Variants in C1orf21 observed in about 807,000 individuals in gnomAD.
C1orf21 encodes the protein uncharacterized protein C1orf21.
In C1orf21, 3 loss-of-function variants were observed where a neutral mutation model predicts 18.7. The ratio of observed to expected loss-of-function variants is 0.16; its 90% CI spans 0.07 to 0.42. C1orf21 has a LOEUF of 0.42. Among genes scored for constraint, C1orf21 ranks in the 10% least tolerant of loss-of-function variants. C1orf21 has a pLI of 0.99. For synonymous variants in C1orf21, 41 were observed against 46.4 expected (o/e 0.88, Z 0.47); for missense variants, 104 against 143.6 (o/e 0.72, Z 1.41).
In C1orf21 at chr1:184,471,180, A is replaced by G. The variant is rs1657491019; in HGVS notation, c.-124-6206A>G. On this transcript the variant is annotated intron_variant, in intron 1 of 5. Transcript: ENST00000235307. ...AACAATTATTGCACCAACTTTTTCT[A>G]ACCAGCTCCCTATAAGAAATACTGT... 2.0e-5 allele frequency among the ~76,000 whole-genome samples: 3 copies of G among 152,216 alleles called. No homozygotes were observed. The South Asian group carries it at 6.2e-4, about 31-fold the overall frequency.
At chr1:184,618,066 C>T (rs553219941) in intron 5 of C1orf21, among the ~76,000 whole-genome samples, 8 of 152,074 alleles carry the variant, frequency 5.3e-5, no homozygotes, top group Admixed American at 3.3e-4. Flanking sequence ...CCCGCCACCA[C>T]GCCCAGCTAG....
chr1:184,606,807 C>T (rs1390484965), intron 5 of C1orf21, among the ~76,000 whole-genome samples: 1 of 152,068 alleles, frequency 6.6e-6, no homozygotes, highest in East Asian at 1.9e-4. Flanking sequence ...TAGGGAGCCT[C>T]AAATCTGGAA....
At chr1:184,588,200 A>G (rs576719548) in intron 3 of C1orf21, among the ~76,000 whole-genome samples, 1 of 152,344 alleles carries the variant, frequency 6.6e-6, no homozygotes, top group Non-Finnish European at 1.5e-5. Context: ...TTCTTAAAAA[A>G]GAGTAAGGGA....
chr1:184,480,336 G>C (rs954064914), intron 2 of C1orf21, among the ~76,000 whole-genome samples: 4 of 152,220 alleles, frequency 2.6e-5, no homozygotes, highest in African/African-American at 7.2e-5. Flanking sequence ...GACAGAATTG[G>C]CTAGAAAACT....
chr1:184,533,467 G>A (rs1385752426), intron 3 of C1orf21, among the ~76,000 whole-genome samples: 1 of 152,146 alleles, frequency 6.6e-6, no homozygotes, highest in East Asian at 1.9e-4. Context: ...TGAACATAAT[G>A]TTAAAGAAGG....
intron 3 of C1orf21, among the ~76,000 whole-genome samples, chr1:184,527,538 C>CAGGGACTTAAA (rs1439785533): frequency 6.6e-6 from 1 of 152,022 alleles, no homozygotes; most frequent in African/African-American, 2.4e-5. Flanking sequence ...GAGCAGAGGC[C>CAGGGACTTAAA]AGGGACTTAA....
chr1:184,454,769 G>T (rs531741421), intron 1 of C1orf21, among the ~76,000 whole-genome samples: 7 of 152,236 alleles, frequency 4.6e-5, no homozygotes, highest in African/African-American at 1.4e-4. Context: ...GTGGGCATGT[G>T]CTAGCATCAT....
intron 3 of C1orf21, among the ~76,000 whole-genome samples, chr1:184,578,037 A>G (rs1192056362): frequency 1.4e-5 from 2 of 148,098 alleles, no homozygotes; most frequent in East Asian, 4.0e-4. Flanking sequence ...GCTCACTGCA[A>G]CCTCCACCTC....
chr1:184,505,369 T>A (rs1389765405), intron 2 of C1orf21, among the ~76,000 whole-genome samples: 1 of 145,922 alleles, frequency 6.9e-6, no homozygotes, highest in African/African-American at 2.5e-5. Flanking sequence ...TATAGACATG[T>A]ATATATTCAC....
At chr1:184,598,267 CAGAGT>C in intron 4 of C1orf21, 129 bp from the exon 5 acceptor site, 1 of 699,494 alleles carries the variant, frequency 1.4e-6, no homozygotes, top group East Asian at 2.7e-5. Context: ...AATGTAACTT[CAGAGT>C]ATTTCAGTGG....
In C1orf21 at chr1:184,577,927, G is replaced by A. The variant is rs555343916; in HGVS notation, c.190-12812G>A. Among the ~76,000 whole-genome samples the A allele has an allele frequency of 1.6e-3, 224 of 143,560 alleles. 1 individual carries two copies. Among genetic ancestry groups the A allele is most frequent in the Non-Finnish European group, 2.2e-3 (143 of 65,680 alleles). 94.2% of individuals were successfully genotyped at this position (143,560 alleles called of 152,430 possible). On this transcript the variant is annotated intron_variant, in intron 3 of 5. Coordinates refer to ENST00000235307, the MANE Select transcript of C1orf21 (RefSeq NM_030806.4). Reference sequence around the variant, plus strand: ...TTATTCTGTAGTAGTCAGGTTCTTTGTCCGTTTGTTTTTTGTTTTGTTTTT... The same window carrying A: ...TTATTCTGTAGTAGTCAGGTTCTTTATCCGTTTGTTTTTTGTTTTGTTTTT...
chr1:184,438,907 T>C (rs904920050), intron 1 of C1orf21, among the ~76,000 whole-genome samples: 1 of 152,108 alleles, frequency 6.6e-6, no homozygotes, highest in Non-Finnish European at 1.5e-5. Flanking sequence ...GCATTAAAGA[T>C]GTGTCATTAA....
rs1012074202 is a variant in C1orf21, at chr1:184,394,280, T to G, written c.-125+6912T>G. Among the ~76,000 whole-genome samples, 10 of 152,246 alleles carry G rather than the reference T, an allele frequency of 6.6e-5. 1 individual carries two copies. The highest frequency in any genetic ancestry group is 5.9e-4 in the Admixed American group (9 of 15,288). ...TTTTCTTGGATGGATCTGTATTTTATTTGAGTGTCATGGATACTGCAGCAG... is the reference window on the plus strand; with the variant it reads ...TTTTCTTGGATGGATCTGTATTTTAGTTGAGTGTCATGGATACTGCAGCAG... On this transcript the variant is annotated intron_variant, in intron 1 of 5. Transcript: ENST00000235307.
intron 1 of C1orf21, among the ~76,000 whole-genome samples, chr1:184,468,466 G>T (rs1017519876): frequency 2.0e-5 from 3 of 152,144 alleles, no homozygotes; most frequent in Admixed American, 6.5e-5. Context: ...AATTTTAAGG[G>T]AAACAGTTTT....
chr1:184,464,833 C>A (rs967999514), intron 1 of C1orf21, among the ~76,000 whole-genome samples: 5 of 152,270 alleles, frequency 3.3e-5, no homozygotes, highest in Admixed American at 6.5e-5. Context: ...TACCTTGGAG[C>A]AGTAGGAAGA....
intron 3 of C1orf21, among the ~76,000 whole-genome samples, chr1:184,544,375 G>T (rs1265355165): frequency 1.3e-5 from 2 of 152,028 alleles, no homozygotes; most frequent in African/African-American, 4.8e-5. Flanking sequence ...GATGAAGCCT[G>T]GTATGTGCCC....
intron 1 of C1orf21, among the ~76,000 whole-genome samples, chr1:184,398,862 A>G (rs1459740237): frequency 1.3e-5 from 2 of 152,232 alleles, no homozygotes; most frequent in African/African-American, 4.8e-5. Flanking sequence ...ACAGTTTCAT[A>G]TCCATTGACC....
chr1:184,597,775 G>A (rs1285464990), intron 4 of C1orf21, among the ~76,000 whole-genome samples: 1 of 152,196 alleles, frequency 6.6e-6, no homozygotes, highest in East Asian at 1.9e-4. Flanking sequence ...TAAGAAGGCT[G>A]TTAAAAGTCA....
chr1:184,447,999 A>C (rs1229317705), intron 1 of C1orf21, among the ~76,000 whole-genome samples: 1 of 152,264 alleles, frequency 6.6e-6, no homozygotes, highest in Non-Finnish European at 1.5e-5. Context: ...TTATATATTC[A>C]TTCTACCTAG....
Sources: gnomAD v4.1 joint callset for allele counts (sites outside exome capture counted in the v4.1 genomes callset) on GRCh38, gnomAD v4.1.1 for gene constraint, MANE v1.5 for transcripts, NCBI Gene and HGNC (gene_info 2026-07-23, HGNC 2026-07-21) for gene names.